CARF: variants seen among roughly 807,000 people sequenced by gnomAD.
CARF encodes calcium-responsive transcription factor.
A neutral mutation model predicts 82.0 loss-of-function variants in CARF; 57 were observed. That is an observed-to-expected ratio of 0.70 (90% CI 0.56 to 0.87). CARF has a LOEUF of 0.87. CARF is among the 40% of genes least tolerant of loss of function. The pLI, the probability that CARF is intolerant of heterozygous loss-of-function variation, is 0.00. For missense variants in CARF, 771 were observed against 855.8 expected (o/e 0.90, Z 1.24); for synonymous variants, 268 against 290.1 (o/e 0.92, Z 0.77).
At chr2:202,914,426 A>G (rs1279879559) in intron 1 of CARF, among the ~76,000 whole-genome samples, 1 of 152,140 alleles carries the variant, frequency 6.6e-6, no homozygotes, top group Non-Finnish European at 1.5e-5. Flanking sequence ...GTTTCTTGAC[A>G]GTTCCAGTTT....
chr2:202,919,172 C>T (rs1690320467), intron 2 of CARF, among the ~76,000 whole-genome samples: 1 of 152,122 alleles, frequency 6.6e-6, no homozygotes, highest in Non-Finnish European at 1.5e-5. Context: ...CTTTTCACTC[C>T]CTCAGGGTAG....
chr2:202,981,460 A>G (rs1165000872), intron 14 of CARF, 95 bp from the exon 15 acceptor site: 3 of 924,598 alleles, frequency 3.2e-6, no homozygotes, highest in Non-Finnish European at 1.6e-6. Flanking sequence ...AGTATTTCCT[A>G]TTTTAGTTCT....
Position 202,942,981 on chromosome 2 carries a change from A to G in CARF, c.306+14A>G. ...AATGCACAAATGGTGAGTATATTTT[A>G]TAAGTAACCAGTTTTATGCCGTTTA... is the stretch of plus-strand genomic sequence containing the variant. On this transcript the variant is annotated intron_variant, in intron 5 of 16. Transcript: ENST00000438828. 1 of 1,601,898 alleles carries G rather than the reference A, an allele frequency of 6.2e-7. No individual in the cohort carries two copies. Among genetic ancestry groups the G allele is most frequent in the East Asian group, 2.2e-5 (1 of 44,802 alleles).
At chr2:202,921,831 AT>A (rs911594445) in intron 2 of CARF, among the ~76,000 whole-genome samples, 7 of 151,268 alleles carry the variant, frequency 4.6e-5, no homozygotes, top group African/African-American at 1.5e-4. Context: ...TTATTGAAAA[AT>A]TTTTTTTTCC....
intron 12 of CARF, among the ~76,000 whole-genome samples, chr2:202,972,333 AT>A (rs1182212728): frequency 2.0e-5 from 3 of 152,056 alleles, no homozygotes; most frequent in Non-Finnish European, 2.9e-5. Context: ...ATTTATCCCA[AT>A]TCTACACATG....
chr2:202,940,722 T>C (rs113076599), intron 3 of CARF, among the ~76,000 whole-genome samples: 111 of 152,278 alleles, frequency 7.3e-4, no homozygotes, highest in African/African-American at 2.6e-3. Flanking sequence ...CAACTTCAGT[T>C]TCTTAGCCAC....
In CARF at chr2:202,975,288, C is replaced by T. The variant is rs927034719; in HGVS notation, c.1494+792C>T. ...GGCTAACACATCTCTACTAAGAATA[C>T]GAAAAATTAGCCGGGCATGGTGGCA... On this transcript the variant is annotated intron_variant, in intron 13 of 16. Transcript: ENST00000438828. Among the ~76,000 whole-genome samples, 6 of 152,086 alleles carry T rather than the reference C, an allele frequency of 3.9e-5. No individual in the cohort carries two copies. The South Asian group carries it at 8.3e-4, about 21-fold the overall frequency.
chr2:202,942,719 T>C (rs776037125), intron 4 of CARF, 21 bp from the exon 5 acceptor site: 14 of 1,284,852 alleles, frequency 1.1e-5, no homozygotes, highest in African/African-American at 1.5e-5. Context: ...ACTGAAGTGA[T>C]TTTTTTTTTC....
intron 3 of CARF, among the ~76,000 whole-genome samples, chr2:202,929,277 A>C (rs1194327232): frequency 6.6e-6 from 1 of 152,196 alleles, no homozygotes; most frequent in African/African-American, 2.4e-5. Context: ...GTCCTGAAGC[A>C]TTACCCCTGT....
At chr2:202,925,831 CA>C in intron 3 of CARF, 1 of 192,602 alleles carries the variant, frequency 5.2e-6, no homozygotes, top group Admixed American at 5.9e-5. Flanking sequence ...TGCTGAAAGG[CA>C]AGGAGAGCCA....
At chr2:202,976,716 C>CTTT (rs5837834) in intron 13 of CARF, among the ~76,000 whole-genome samples, 7 of 139,980 alleles carry the variant, frequency 5.0e-5, no homozygotes, top group Admixed American at 7.3e-5. Flanking sequence ...AACTCTTTGT[C>CTTT]TTTTTTTTTT....
intron 8 of CARF, among the ~76,000 whole-genome samples, chr2:202,959,804 C>A: frequency 8.4e-6 from 1 of 119,376 alleles, no homozygotes; most frequent in Non-Finnish European, 1.8e-5. Context: ...AGTGAAACTC[C>A]ATCTCAAAAA....
intron 3 of CARF, among the ~76,000 whole-genome samples, chr2:202,928,515 G>C (rs965729516): frequency 6.6e-6 from 1 of 152,042 alleles, no homozygotes; most frequent in Admixed American, 6.6e-5. Flanking sequence ...GGATCATATG[G>C]TAGTCTATTT....
At chr2:202,953,499 T>TTG (rs1553563227) in intron 6 of CARF, among the ~76,000 whole-genome samples, 14 of 1,764 alleles carry the variant, frequency 7.9e-3, no homozygotes, top group Admixed American at 0.058. Flanking sequence ...TTTTTTGTTG[T>TTG]TTTTTTTTTT....
At chr2:202,979,737 G>A (rs2060170962) in intron 14 of CARF, among the ~76,000 whole-genome samples, 2 of 151,538 alleles carry the variant, frequency 1.3e-5, no homozygotes, top group Admixed American at 6.6e-5. Context: ...GGAGGCAGAG[G>A]TTGCAATGAG....
rs562659734 is a variant in CARF at position 202,984,407 on chromosome 2, T to C, written c.*783T>C. ...AAGTAAAACACTATAGGCAGAAAGA[T>C]GTAGAAATTAAGAGAATTGAAAAAG... is the stretch of plus-strand genomic sequence containing the variant. On this transcript the variant is annotated 3_prime_UTR_variant, in exon 17 of 17. Coordinates refer to ENST00000438828, the MANE Select transcript of CARF (RefSeq NM_024744.17). The C allele has an allele frequency of 1.3e-5, 2 of 152,288 alleles. No individual in the cohort carries two copies. The highest frequency in any genetic ancestry group is 4.8e-5 in the African/African-American group (2 of 41,576). 9.4% of individuals were successfully genotyped at this position (152,288 alleles called of 1,614,324 possible).
intron 7 of CARF, among the ~76,000 whole-genome samples, chr2:202,955,014 GAA>G (rs778781065): frequency 7.3e-6 from 1 of 137,456 alleles, no homozygotes. Flanking sequence ...ACGCTGTCTC[GAA>G]AAAAAAAAAA....
Position 202,916,416 on chromosome 2 carries a change from C to T in CARF, c.-329-1461C>T, listed in dbSNP as rs948439912. ...CAGGATGGTCTCAATCTCTTAACTT[C>T]GTGATCTGCCCACCTTGGCCTCCCA... is the stretch of plus-strand genomic sequence containing the variant. On this transcript the variant is annotated intron_variant, in intron 1 of 16. Transcript: ENST00000438828. Among the ~76,000 whole-genome samples the T allele has an allele frequency of 8.5e-5, 13 of 152,126 alleles. 1 individual carries two copies. The South Asian group carries it at 1.0e-3, about 12-fold the overall frequency.
chr2:202,974,830 C>T (rs773547313), intron 13 of CARF, among the ~76,000 whole-genome samples: 2 of 151,642 alleles, frequency 1.3e-5, no homozygotes, highest in Admixed American at 1.3e-4. Flanking sequence ...ACTCAGGAGG[C>T]GGAGTTTGCA....
Sources: allele counts gnomAD v4.1 joint callset (sites outside exome capture counted in the v4.1 genomes callset), GRCh38; gene constraint gnomAD v4.1.1; transcripts MANE v1.5; gene names NCBI Gene and HGNC (gene_info 2026-07-23, HGNC 2026-07-21).